Variants in SUCO observed in about 807,000 individuals in gnomAD.
SUCO encodes the protein SUN domain containing ossification factor.
SUCO carries 57 observed loss-of-function variants against 148.1 expected under a neutral mutation model. That is an observed-to-expected ratio of 0.38 (90% CI 0.31 to 0.48). The LOEUF (loss-of-function observed/expected upper bound fraction) is 0.48, where lower values mean the gene tolerates loss of function less well. Among genes scored for constraint, SUCO ranks in the 20% least tolerant of loss-of-function variants. The pLI is 0.96. For synonymous variants in SUCO, 470 were observed against 502.7 expected (o/e 0.93, Z 0.87); for missense variants, 1,331 against 1,468.2 (o/e 0.91, Z 1.53).
At chr1:172,534,786 T>C (rs1651890381) in intron 1 of SUCO, among the ~76,000 whole-genome samples, 1 of 152,196 alleles carries the variant, frequency 6.6e-6, no homozygotes, top group Non-Finnish European at 1.5e-5. Context: ...TTCATTTCCA[T>C]CTCTTTCTGG....
At chr1:172,559,796 G>C (rs1200140409) in intron 6 of SUCO, among the ~76,000 whole-genome samples, 1 of 152,186 alleles carries the variant, frequency 6.6e-6, no homozygotes, top group East Asian at 1.9e-4. Flanking sequence ...ACTTCCAGGT[G>C]TTGCTGTGGC....
chr1:172,594,530 G>T (rs558599113), intron 19 of SUCO, among the ~76,000 whole-genome samples: 1 of 152,134 alleles, frequency 6.6e-6, no homozygotes, highest in Non-Finnish European at 1.5e-5. Context: ...CCTTCATTTC[G>T]TTATGTACCC....
chr1:172,559,274 G>C (rs988081075), intron 6 of SUCO, among the ~76,000 whole-genome samples: 7 of 152,198 alleles, frequency 4.6e-5, no homozygotes, highest in Non-Finnish European at 1.0e-4. Context: ...GTTGCTAGGA[G>C]GATATAGTGA....
chr1:172,557,972 A>G (rs1342948513), intron 6 of SUCO, among the ~76,000 whole-genome samples, 178 bp downstream of exon 6: 1 of 152,222 alleles, frequency 6.6e-6, no homozygotes, highest in Non-Finnish European at 1.5e-5. Context: ...TGTTTCCATT[A>G]TAGTGTTTAT....
At chr1:172,534,589 T>C (rs982960551) in intron 1 of SUCO, among the ~76,000 whole-genome samples, 1 of 152,190 alleles carries the variant, frequency 6.6e-6, no homozygotes, top group African/African-American at 2.4e-5. Context: ...GGAAGAATGA[T>C]AGAAGTTTTT....
At chr1:172,536,722 A>T (rs2149215200) in intron 1 of SUCO, among the ~76,000 whole-genome samples, 1 of 152,308 alleles carries the variant, frequency 6.6e-6, no homozygotes, top group Middle Eastern at 3.4e-3. Context: ...TATGTCTCAC[A>T]GGGCTAAATA....
chr1:172,600,226 C>T, intron 20 of SUCO, 58 bp downstream of exon 20: 2 of 1,227,302 alleles, frequency 1.6e-6, no homozygotes, highest in Non-Finnish European at 2.3e-6. Flanking sequence ...TGTCATAAAG[C>T]CAGGCTTGTT....
chr1:172,585,203 T>A, intron 16 of SUCO, 117 bp downstream of exon 16: 2 of 900,576 alleles, frequency 2.2e-6, no homozygotes. Flanking sequence ...AATATAGAAA[T>A]AATTCAGAGG....
chr1:172,590,449 G>A (rs1054646952), intron 18 of SUCO: 1 of 727,124 alleles, frequency 1.4e-6, no homozygotes, highest in Non-Finnish European at 1.7e-6. Flanking sequence ...GCCAGAGACA[G>A]TGCCAATTCA....
chr1:172,589,070 GATT>G lies in SUCO; in HGVS notation c.1972_1974del (p.Tyr658del), dbSNP rs1487963529. 6.2e-7 allele frequency: 1 copy of G among 1,613,786 alleles called. No homozygotes were observed. Among genetic ancestry groups the G allele is most frequent in the South Asian group, 1.1e-5 (1 of 91,034 alleles). On this transcript the variant is annotated inframe_deletion, in exon 18 of 24. Transcript: ENST00000263688. ...CCGAACTGCTTTGAGTAAAGGAAAA[GATT>G]ATCTTGTGTTAGCTCAACCACCCTT... is the stretch of plus-strand genomic sequence containing the variant.
chr1:172,585,815 C>G, intron 16 of SUCO, 43 bp from the exon 17 acceptor site: 1 of 1,346,744 alleles, frequency 7.4e-7, no homozygotes, highest in Non-Finnish European at 1.0e-6. Flanking sequence ...CATGGTACAG[C>G]TTTTAAAATT....
chr1:172,587,922 G>C (rs931567447), intron 17 of SUCO, among the ~76,000 whole-genome samples: 22 of 151,852 alleles, frequency 1.4e-4, no homozygotes, highest in African/African-American at 5.1e-4. Flanking sequence ...TTATAACACT[G>C]TCCCCATAAG....
chr1:172,587,408 A>G (rs1656320324), intron 17 of SUCO, among the ~76,000 whole-genome samples: 1 of 152,072 alleles, frequency 6.6e-6, no homozygotes, highest in Admixed American at 6.6e-5. Context: ...TATATTTCTG[A>G]TTACAGTGTG....
At chr1:172,609,294 T>C in intron 23 of SUCO, 1 of 985,142 alleles carries the variant, frequency 1.0e-6, no homozygotes, top group Non-Finnish European at 1.2e-6. Context: ...GCTTTTTCAT[T>C]TTGCCTTTCA....
intron 7 of SUCO, chr1:172,569,537 A>T: frequency 9.2e-6 from 9 of 977,734 alleles, no homozygotes; most frequent in Non-Finnish European, 1.1e-5. Flanking sequence ...TTTCAAGAAC[A>T]TACCTAAAGA....
chr1:172,533,525 C>A (rs1183298037), intron 1 of SUCO, 28 bp downstream of exon 1: 2 of 1,518,958 alleles, frequency 1.3e-6, no homozygotes, highest in Non-Finnish European at 1.8e-6. Flanking sequence ...CAAGGGAGTT[C>A]CCGTGAGGGG....
intron 1 of SUCO, among the ~76,000 whole-genome samples, chr1:172,549,891 G>GGA (rs1553270685): frequency 2.1e-5 from 3 of 143,924 alleles, no homozygotes; most frequent in African/African-American, 7.6e-5. Context: ...TTCCTTCAGG[G>GGA]AAAAAAAAAA....
At position 172,602,046 on chromosome 1, in the gene SUCO, A is replaced by G. The variant is rs1657566747; in HGVS notation, c.3019-18A>G. 1.9e-6 allele frequency: 3 copies of G among 1,595,922 alleles called. No homozygotes were observed. Among genetic ancestry groups the G allele is most frequent in the Non-Finnish European group, 1.7e-6 (2 of 1,172,598 alleles). On this transcript the variant is annotated intron_variant, in intron 20 of 23. Coordinates refer to ENST00000263688, the MANE Select transcript of SUCO (RefSeq NM_014283.5). Reference sequence around the variant, plus strand: ...TATGATTTCCTATGATTATTATTTAACCCTCTTCTCATCTCAGGTTTCAGA... The same window carrying G: ...TATGATTTCCTATGATTATTATTTAGCCCTCTTCTCATCTCAGGTTTCAGA...
intron 21 of SUCO, 127 bp downstream of exon 21, chr1:172,602,345 A>G (rs774959840): frequency 7.8e-6 from 11 of 1,407,624 alleles, no homozygotes; most frequent in Non-Finnish European, 9.3e-6. Context: ...TTGAAACCAA[A>G]ACATTAAAAA....
Sources: gnomAD v4.1 joint callset for allele counts (sites outside exome capture counted in the v4.1 genomes callset) on GRCh38, gnomAD v4.1.1 for gene constraint, MANE v1.5 for transcripts, NCBI Gene and HGNC (gene_info 2026-07-23, HGNC 2026-07-21) for gene names.